Variants in TMC2 observed in about 807,000 individuals in gnomAD.
TMC2 encodes the protein transmembrane channel-like protein 2.
Under a neutral mutation model 105.9 loss-of-function variants are expected in TMC2, and 102 were observed. That is an observed-to-expected ratio of 0.96 (90% CI 0.82 to 1.14). The LOEUF is 1.14. Ranked by LOEUF, TMC2 falls within the 50% of genes most tolerant of loss-of-function variation. TMC2 has a pLI of 0.00. For synonymous variants in TMC2, 402 were observed against 422.8 expected (o/e 0.95, Z 0.60); for missense variants, 1,093 against 1,134.3 (o/e 0.96, Z 0.52).
chr20:2,554,679 G>T (rs879714624), intron 2 of TMC2, among the ~76,000 whole-genome samples: 1 of 152,096 alleles, frequency 6.6e-6, no homozygotes, highest in African/African-American at 2.4e-5. Context: ...TTCTCTTGAG[G>T]CTTCTTTAAC....
chr20:2,620,574 A>G (rs1259978615), intron 16 of TMC2, among the ~76,000 whole-genome samples: 2 of 152,238 alleles, frequency 1.3e-5, no homozygotes, highest in Non-Finnish European at 2.9e-5. Flanking sequence ...ACAGTTTTTG[A>G]CAATATTATA....
intron 13 of TMC2, 150 bp from the exon 14 acceptor site, chr20:2,613,044 G>A (rs987529737): frequency 5.6e-5 from 56 of 995,748 alleles, no homozygotes; most frequent in South Asian, 1.8e-4. Flanking sequence ...GCCAGGAGTC[G>A]CCTCTCTTCA....
chr20:2,616,048 G>T lies in TMC2; in HGVS notation c.1873-89G>T. ...TTTGGGATGGAATGGCCTTGGCTTG[G>T]CCAGTTGGTTGGTAGTAGGGTTTGG... On this transcript the variant is annotated intron_variant, in intron 14 of 19. Transcript: ENST00000358864. The surrounding 1 kb of genome is among the most constrained non-coding windows in gnomAD (Gnocchi z 4.8). 1 of 1,031,810 alleles carries T rather than the reference G, an allele frequency of 9.7e-7. No individual in the cohort carries two copies. The highest frequency in any genetic ancestry group is 1.9e-5 in the Admixed American group (1 of 51,438). The allele number at this position is 1,031,810 out of a possible 1,614,324, so 63.9% of individuals were successfully genotyped here. A position where few individuals can be genotyped will look rare whatever the true frequency, so the allele number is the denominator to read the frequency against.
intron 3 of TMC2, among the ~76,000 whole-genome samples, chr20:2,561,500 G>A (rs566307321): frequency 6.6e-6 from 1 of 152,234 alleles, no homozygotes; most frequent in Admixed American, 6.5e-5. Flanking sequence ...ATATATTTGA[G>A]TAAATAAACT....
intron 11 of TMC2, among the ~76,000 whole-genome samples, chr20:2,605,341 A>G (rs1460724909): frequency 1.3e-5 from 2 of 152,168 alleles, no homozygotes; most frequent in African/African-American, 4.8e-5. Context: ...AACAACAGAA[A>G]TGTATTTGCT....
chr20:2,584,261 G>A lies in TMC2; in HGVS notation c.834+4205G>A, dbSNP rs1440434083. ...AGATCGAGACCATCCCGGCTAACAC[G>A]GTGAAACCCCGTCTCTACTAAAAAT... On this transcript the variant is annotated intron_variant, in intron 7 of 19. Coordinates refer to ENST00000358864, the MANE Select transcript of TMC2 (RefSeq NM_080751.3). Among the ~76,000 whole-genome samples, 6 of 151,284 alleles carry A rather than the reference G, an allele frequency of 4.0e-5. No homozygotes were observed. In the South Asian group the frequency reaches 8.3e-4, roughly 21 times the overall value.
chr20:2,611,055 G>A (rs544357557), intron 12 of TMC2, among the ~76,000 whole-genome samples: 1 of 152,330 alleles, frequency 6.6e-6, no homozygotes, highest in African/African-American at 2.4e-5. Context: ...CACACACTGG[G>A]CTGGGAGACA....
intron 2 of TMC2, among the ~76,000 whole-genome samples, chr20:2,538,713 G>A (rs2422776): frequency 0.53 from 79,907 of 151,978 alleles, 21,118 homozygotes; most frequent in South Asian, 0.58. Flanking sequence ...TGCCGCTGCC[G>A]TTTTCCCTTT....
intron 7 of TMC2, among the ~76,000 whole-genome samples, chr20:2,588,220 T>C (rs537758936): frequency 1.2e-4 from 18 of 152,270 alleles, no homozygotes; most frequent in African/African-American, 3.9e-4. Context: ...TAATGGGGAA[T>C]GTGGGAGCCC....
In TMC2 at chr20:2,641,689, T is replaced by A; in HGVS notation, c.*338T>A. The A allele has an allele frequency of 3.8e-6, 1 of 260,008 alleles. No individual in the cohort carries two copies. The highest frequency in any genetic ancestry group is 7.5e-6 in the Non-Finnish European group (1 of 132,606). 16.1% of individuals were successfully genotyped at this position (260,008 alleles called of 1,614,324 possible). On this transcript the variant is annotated 3_prime_UTR_variant, in exon 20 of 20. Coordinates refer to ENST00000358864, the MANE Select transcript of TMC2 (RefSeq NM_080751.3). ...AGGGCCATGACCACCCTCGTAGACT[T>A]TTTCCATGGGATACAGTTTAGGACA...
At chr20:2,560,785 C>T (rs2086020652) in intron 3 of TMC2, among the ~76,000 whole-genome samples, 1 of 150,622 alleles carries the variant, frequency 6.6e-6, no homozygotes, top group Admixed American at 6.6e-5. Flanking sequence ...TGCAGTGAGC[C>T]GAGATTGCGC....
At chr20:2,563,600 A>C (rs1489262951) in intron 4 of TMC2, among the ~76,000 whole-genome samples, 1 of 152,224 alleles carries the variant, frequency 6.6e-6, no homozygotes, top group Admixed American at 6.5e-5. Context: ...GAAAATTGCT[A>C]AGAATAGATT....
At chr20:2,565,430 A>G (rs1419650812) in intron 4 of TMC2, among the ~76,000 whole-genome samples, 1 of 152,170 alleles carries the variant, frequency 6.6e-6, no homozygotes, top group Non-Finnish European at 1.5e-5. Flanking sequence ...TGTTTTAGAG[A>G]CAAGGTCTCG....
chr20:2,573,561 CTTT>C (rs370771531), intron 5 of TMC2, among the ~76,000 whole-genome samples: 2,256 of 116,816 alleles, frequency 0.019, 32 homozygotes, highest in African/African-American at 0.069. Flanking sequence ...CTTTTCTTTT[CTTT>C]TTTTTTTTTT....
chr20:2,549,298 C>A (rs1441372486), intron 2 of TMC2, among the ~76,000 whole-genome samples: 2 of 152,206 alleles, frequency 1.3e-5, no homozygotes, highest in Non-Finnish European at 2.9e-5. Context: ...TCAAATTATT[C>A]TCCCTCCTCA....
intron 10 of TMC2, among the ~76,000 whole-genome samples, chr20:2,600,178 G>A (rs1313012055): frequency 2.0e-5 from 3 of 152,296 alleles, no homozygotes; most frequent in African/African-American, 4.8e-5. Flanking sequence ...TTGAACATGT[G>A]AGAAGTAAAA....
intron 19 of TMC2, 81 bp from the exon 20 acceptor site, chr20:2,641,053 C>A (rs373875887): frequency 2.4e-6 from 3 of 1,248,390 alleles, no homozygotes; most frequent in African/African-American, 2.9e-5. Context: ...CTACACACAC[C>A]GCAGGGCGAC....
chr20:2,563,793 T>C (rs570403013), intron 4 of TMC2, among the ~76,000 whole-genome samples: 10 of 152,310 alleles, frequency 6.6e-5, no homozygotes, highest in African/African-American at 2.2e-4. Flanking sequence ...AGTCCACCAT[T>C]TTAACTCACT....
At chr20:2,626,229 T>C (rs1227700148) in intron 17 of TMC2, among the ~76,000 whole-genome samples, 1 of 152,274 alleles carries the variant, frequency 6.6e-6, no homozygotes, top group African/African-American at 2.4e-5. Flanking sequence ...AATAATATTT[T>C]ATTAATGAAT....
Sources: gnomAD v4.1 joint callset for allele counts (sites outside exome capture counted in the v4.1 genomes callset) on GRCh38, gnomAD v4.1.1 for gene constraint, Gnocchi (gnomAD v3.1) non-coding constraint, MANE v1.5 for transcripts, NCBI Gene and HGNC (gene_info 2026-07-23, HGNC 2026-07-21) for gene names.